The following CACNA1C variants were observed in gnomAD, a reference collection of about 807,000 sequenced individuals.
CACNA1C encodes the protein voltage-dependent L-type calcium channel subunit alpha-1C.
Under a neutral mutation model 229.0 loss-of-function variants are expected in CACNA1C, and 30 were observed. That is an observed-to-expected ratio of 0.13 (90% CI 0.10 to 0.18). The LOEUF is 0.18. Ranked by LOEUF, CACNA1C falls within the 10% of genes least tolerant of loss-of-function variation. The pLI, the probability that CACNA1C is intolerant of heterozygous loss-of-function variation, is 1.00. For missense variants in CACNA1C, 1,658 were observed against 2,845.0 expected, an observed-to-expected ratio of 0.58 and a Z score of 9.49; for synonymous variants, 1,114 against 1,132.5, an observed-to-expected ratio of 0.98 and a Z score of 0.33.
At chr12:2,056,604 G>A (rs1405653197) in intron 1 of CACNA1C, among the ~76,000 whole-genome samples, 2 of 152,136 alleles carry the variant, frequency 1.3e-5, no homozygotes, top group African/African-American at 2.4e-5. Flanking sequence ...CTGTAATAAG[G>A]TAATAATAAT....
intron 3 of CACNA1C, among the ~76,000 whole-genome samples, chr12:2,362,021 C>A (rs369944329): frequency 2.0e-5 from 3 of 152,312 alleles, no homozygotes; most frequent in African/African-American, 7.2e-5. Context: ...ATCTCCACCC[C>A]GCAGGCCATT....
chr12:2,484,246 T>A (rs1345771336), intron 5 of CACNA1C, among the ~76,000 whole-genome samples: 1 of 152,164 alleles, frequency 6.6e-6, no homozygotes, highest in Non-Finnish European at 1.5e-5. Context: ...ATGCTTGGGC[T>A]GAGAGTGAAG....
At chr12:2,596,054 G>A (rs775248046) in intron 20 of CACNA1C, 51 bp downstream of exon 20, 298 of 1,534,388 alleles carry the variant, frequency 1.9e-4, no homozygotes, top group Non-Finnish European at 2.5e-4. Context: ...GCTGTGCCAG[G>A]CCCACAGCTT....
chr12:2,440,303 G>A lies in CACNA1C; in HGVS notation c.478-8673G>A, dbSNP rs535341647. Among the ~76,000 whole-genome samples the A allele has an allele frequency of 5.3e-5, 8 of 152,002 alleles. No homozygotes were observed. In the South Asian group the frequency reaches 8.3e-4, roughly 16 times the overall value. On this transcript the variant is annotated intron_variant, in intron 3 of 46. Coordinates refer to ENST00000399655, the MANE Select transcript of CACNA1C (RefSeq NM_000719.7). ...CCATTGCTCCTTCCCCCAGCCCCTCGTAACCCGTAATCTACTGTGTGTCTC... is the reference window on the plus strand; with the variant it reads ...CCATTGCTCCTTCCCCCAGCCCCTCATAACCCGTAATCTACTGTGTGTCTC...
rs148178940 is a variant in CACNA1C at position 2,543,896 on chromosome 12, G to A, written c.1391-6047G>A. On this transcript the variant is annotated intron_variant, in intron 9 of 46. Transcript: ENST00000399655. ...GCTGAATAATGCTTCTGCATGGAAG[G>A]CGTCAATGTTCTGGACTCTCCACCA... is the stretch of plus-strand genomic sequence containing the variant. 3.9e-5 allele frequency among the ~76,000 whole-genome samples: 6 copies of A among 152,286 alleles called. No homozygotes were observed. In the East Asian group the frequency reaches 5.8e-4, roughly 15 times the overall value.
intron 3 of CACNA1C, among the ~76,000 whole-genome samples, chr12:2,205,313 T>C (rs2097723662): frequency 6.6e-6 from 1 of 152,104 alleles, no homozygotes; most frequent in Admixed American, 6.5e-5. Flanking sequence ...CTGTGGGGCT[T>C]GGCTGGTGGG....
chr12:2,320,259 G>A (rs2239043), intron 3 of CACNA1C, among the ~76,000 whole-genome samples: 13,605 of 152,214 alleles, frequency 0.089, 653 homozygotes, highest in South Asian at 0.14. Context: ...TCCCTCCTTT[G>A]ACTTTATTCC....
chr12:2,503,480 A>C (rs1409047880), intron 7 of CACNA1C, among the ~76,000 whole-genome samples: 1 of 152,216 alleles, frequency 6.6e-6, no homozygotes. Flanking sequence ...TCTGCAATTT[A>C]TCTTCACGTC....
intron 15 of CACNA1C, 137 bp downstream of exon 15, chr12:2,583,079 G>A: frequency 4.7e-6 from 3 of 633,676 alleles, no homozygotes; most frequent in Non-Finnish European, 8.3e-6. Context: ...CATGGCGGCG[G>A]AGGTGGGTCT....
Position 2,054,023 on chromosome 12 carries a change from C to T in CACNA1C, c.49+412C>T, listed in dbSNP as rs2053453818. 6.8e-6 allele frequency among the ~76,000 whole-genome samples: 1 copy of T among 146,936 alleles called. No homozygotes were observed. The highest frequency in any genetic ancestry group is 2.4e-5 in the African/African-American group (1 of 40,896). Reference sequence around the variant, plus strand: ...GAGGCCCGGGGTCCCTCGCCCGGCTCGGGGCGCGGCTGGGAGCGCGCGCGC... The same window carrying T: ...GAGGCCCGGGGTCCCTCGCCCGGCTTGGGGCGCGGCTGGGAGCGCGCGCGC... On this transcript the variant is annotated intron_variant, in intron 1 of 46. Coordinates refer to ENST00000399655, the MANE Select transcript of CACNA1C (RefSeq NM_000719.7). This position sits in a 1 kb window ranked among gnomAD's most constrained non-coding sequence, Gnocchi z 5.5.
At chr12:2,599,075 A>C (rs1374961992) in intron 21 of CACNA1C, among the ~76,000 whole-genome samples, 1 of 152,170 alleles carries the variant, frequency 6.6e-6, no homozygotes, top group Non-Finnish European at 1.5e-5. Context: ...CTGAGGCCCA[A>C]TTCTCAGTGC....
intron 19 of CACNA1C, among the ~76,000 whole-genome samples, chr12:2,593,557 T>C (rs1401817618): frequency 1.3e-5 from 2 of 152,260 alleles, no homozygotes; most frequent in Non-Finnish European, 2.9e-5. Context: ...ATGTTTAAAC[T>C]CTATTTCTAT....
chr12:2,497,969 TCACACACACA>T lies in CACNA1C; in HGVS notation c.1113+4608_1113+4617del, dbSNP rs3058710. Among the ~76,000 whole-genome samples, 113 of 144,014 alleles carry T rather than the reference TCACACACACA, an allele frequency of 7.8e-4. 1 individual carries two copies. Among genetic ancestry groups the T allele is most frequent in the African/African-American group, 2.0e-3 (77 of 39,414 alleles). The allele number at this position is 144,014 out of a possible 152,430, so 94.5% of individuals were successfully genotyped here. On this transcript the variant is annotated intron_variant, in intron 7 of 46. Transcript: ENST00000399655. ...TGCGGAGAAGGTATTTCTATTAAAT[TCACACACACA>T]CACACACACACACACACACACACAA...
chr12:2,076,934 T>C (rs2063423999), intron 1 of CACNA1C, among the ~76,000 whole-genome samples: 1 of 152,218 alleles, frequency 6.6e-6, no homozygotes, highest in African/African-American at 2.4e-5. Context: ...CAGCCACCCC[T>C]GGAATCCAGG....
At chr12:2,528,510 C>A (rs1189297913) in intron 9 of CACNA1C, among the ~76,000 whole-genome samples, 1 of 152,224 alleles carries the variant, frequency 6.6e-6, no homozygotes, top group African/African-American at 2.4e-5. Context: ...CACTTGTGCA[C>A]ACCCTGATCT....
intron 3 of CACNA1C, among the ~76,000 whole-genome samples, chr12:2,219,436 C>G (rs1480740812): frequency 6.6e-6 from 1 of 152,166 alleles, no homozygotes; most frequent in Non-Finnish European, 1.5e-5. Flanking sequence ...CCAACTCAAC[C>G]CTGGAAATGC....
At chr12:2,180,542 C>T (rs1048800986) in intron 3 of CACNA1C, among the ~76,000 whole-genome samples, 1 of 152,188 alleles carries the variant, frequency 6.6e-6, no homozygotes, top group Non-Finnish European at 1.5e-5. Context: ...AGGTTTTCCC[C>T]ACTTCTCTTG....
chr12:2,096,275 T>C (rs1416824133), intron 1 of CACNA1C, among the ~76,000 whole-genome samples: 1 of 152,248 alleles, frequency 6.6e-6, no homozygotes, highest in African/African-American at 2.4e-5. Flanking sequence ...ATGATTTATT[T>C]GATATTTGAA....
At chr12:2,351,494 C>T (rs73605791) in intron 3 of CACNA1C, among the ~76,000 whole-genome samples, 1,693 of 152,332 alleles carry the variant, frequency 0.011, 28 homozygotes, top group African/African-American at 0.038. Context: ...TCCTCAGTTG[C>T]CCTGTCAGCA....
Sources: gnomAD v4.1 joint callset for allele counts (sites outside exome capture counted in the v4.1 genomes callset) on GRCh38, gnomAD v4.1.1 for gene constraint, Gnocchi (gnomAD v3.1) non-coding constraint, MANE v1.5 for transcripts, NCBI Gene and HGNC (gene_info 2026-07-23, HGNC 2026-07-21) for gene names.